The following PCSK2 variants were observed in gnomAD, a reference collection of about 807,000 sequenced individuals.
The protein encoded by PCSK2 is proprotein convertase subtilisin/kexin type 2, also known as neuroendocrine convertase 2.
PCSK2 carries 14 observed loss-of-function variants against 69.7 expected under a neutral mutation model. That is an observed-to-expected ratio of 0.20 (90% CI 0.13 to 0.31). PCSK2 has a LOEUF of 0.31. Among genes scored for constraint, PCSK2 ranks in the 10% least tolerant of loss-of-function variants. PCSK2 has a pLI of 1.00. For synonymous variants in PCSK2, 307 were observed against 320.7 expected (o/e 0.96, Z 0.46); for missense variants, 544 against 842.5 (o/e 0.65, Z 4.39).
At chr20:17,464,720 C>A in intron 10 of PCSK2, 1 of 152,734 alleles carries the variant, frequency 6.5e-6, no homozygotes, top group Non-Finnish European at 1.5e-5. Flanking sequence ...CCATGTTGTT[C>A]AGAGTACCTG....
intron 2 of PCSK2, among the ~76,000 whole-genome samples, chr20:17,309,174 C>T (rs931926812): frequency 3.3e-5 from 5 of 152,000 alleles, no homozygotes; most frequent in African/African-American, 1.2e-4. Flanking sequence ...AAGCCATGGA[C>T]CAGAAGAGAA....
intron 2 of PCSK2, among the ~76,000 whole-genome samples, chr20:17,320,224 A>G (rs973306149): frequency 1.3e-5 from 2 of 152,168 alleles, no homozygotes; most frequent in Non-Finnish European, 2.9e-5. Context: ...TATGCCCAGG[A>G]GACACTTAGC....
intron 6 of PCSK2, among the ~76,000 whole-genome samples, chr20:17,425,777 T>C (rs949389533): frequency 2.0e-5 from 3 of 152,170 alleles, no homozygotes; most frequent in African/African-American, 7.2e-5. Flanking sequence ...GGCATAGGTT[T>C]CCAATGTTCC....
intron 4 of PCSK2, among the ~76,000 whole-genome samples, chr20:17,361,881 T>A (rs1202346082): frequency 6.6e-6 from 1 of 152,216 alleles, no homozygotes; most frequent in Non-Finnish European, 1.5e-5. Context: ...TCTTCTTTTC[T>A]CACACTTGTT....
At chr20:17,307,316 G>A (rs980808495) in intron 2 of PCSK2, among the ~76,000 whole-genome samples, 1 of 152,202 alleles carries the variant, frequency 6.6e-6, no homozygotes, top group Non-Finnish European at 1.5e-5. Flanking sequence ...TTGCTGACCA[G>A]AGGTAAATAG....
chr20:17,309,845 A>G (rs924494692), intron 2 of PCSK2, among the ~76,000 whole-genome samples: 12 of 143,668 alleles, frequency 8.4e-5, no homozygotes, highest in Non-Finnish European at 1.5e-4. Context: ...AAGAAGAGGA[A>G]GAGGAAGAAG....
intron 10 of PCSK2, among the ~76,000 whole-genome samples, chr20:17,462,115 G>C (rs1438012992): frequency 1.3e-5 from 2 of 152,018 alleles, no homozygotes; most frequent in African/African-American, 2.4e-5. Flanking sequence ...GAATCCCCAG[G>C]GGAGCCCCTG....
intron 3 of PCSK2, among the ~76,000 whole-genome samples, chr20:17,359,946 A>G (rs1020785564): frequency 6.6e-6 from 1 of 152,102 alleles, no homozygotes; most frequent in Non-Finnish European, 1.5e-5. Context: ...GGGCCTTAGG[A>G]TTTATTTTTC....
intron 6 of PCSK2, among the ~76,000 whole-genome samples, chr20:17,423,413 G>GA (rs142392899): frequency 0.013 from 1,985 of 152,224 alleles, 47 homozygotes; most frequent in African/African-American, 0.045. Context: ...TTATGTAGAT[G>GA]AATCTCCTAA....
rs201740005 is a variant in PCSK2, at chr20:17,338,173, G to GC, written c.283-20154_283-20153insC. 4.7e-3 allele frequency among the ~76,000 whole-genome samples: 658 copies of GC among 140,986 alleles called. 12 individuals are homozygous for GC. Among genetic ancestry groups the GC allele is most frequent in the African/African-American group, 0.017 (626 of 37,522 alleles). 92.5% of individuals were successfully genotyped at this position (140,986 alleles called of 152,430 possible). A position where few individuals can be genotyped will look rare whatever the true frequency, so the allele number is the denominator to read the frequency against. On this transcript the variant is annotated intron_variant, in intron 2 of 11. Coordinates refer to ENST00000262545, the MANE Select transcript of PCSK2 (RefSeq NM_002594.5). ...GAGAAGAAACCTTACATTTTTTTTGGGGGGGGGGGTTGTGTTTTTGTTTTT... is the reference window on the plus strand; with the variant it reads ...GAGAAGAAACCTTACATTTTTTTTGGCGGGGGGGGGTTGTGTTTTTGTTTTT...
rs1322889623 is a variant in PCSK2 at position 17,453,424 on chromosome 20, G to A, written c.886-318G>A. 1.3e-5 allele frequency among the ~76,000 whole-genome samples: 2 copies of A among 152,210 alleles called. No homozygotes were observed. Among genetic ancestry groups the A allele is most frequent in the East Asian group, 1.9e-4 (1 of 5,174 alleles). On this transcript the variant is annotated intron_variant, in intron 8 of 11. Transcript: ENST00000262545. The surrounding 1 kb of genome is among the most constrained non-coding windows in gnomAD (Gnocchi z 4.0). Reference sequence around the variant, plus strand: ...TCCATACAGTTAGACTTTTCATTGTGAGCATGTACCACCTTTCTAGCTTTT... The same window carrying A: ...TCCATACAGTTAGACTTTTCATTGTAAGCATGTACCACCTTTCTAGCTTTT...
chr20:17,441,255 C>T (rs1600582801), intron 8 of PCSK2, among the ~76,000 whole-genome samples: 1 of 152,190 alleles, frequency 6.6e-6, no homozygotes, highest in East Asian at 1.9e-4. Context: ...CCAAGATGAG[C>T]CTCCAAAACC....
intron 7 of PCSK2, among the ~76,000 whole-genome samples, chr20:17,429,949 G>C (rs1325430846): frequency 1.3e-5 from 2 of 152,130 alleles, no homozygotes; most frequent in Non-Finnish European, 2.9e-5. Flanking sequence ...CTACTCTTCT[G>C]TGTCAGTGTC....
intron 8 of PCSK2, among the ~76,000 whole-genome samples, chr20:17,437,548 G>A (rs945489937): frequency 5.9e-5 from 9 of 152,156 alleles, no homozygotes; most frequent in Admixed American, 6.5e-5. Context: ...GAGGATTTCT[G>A]GGCTCCAGTC....
intron 1 of PCSK2, among the ~76,000 whole-genome samples, chr20:17,257,004 C>T (rs910248175): frequency 6.6e-6 from 1 of 152,096 alleles, no homozygotes; most frequent in Non-Finnish European, 1.5e-5. Context: ...GCCACATTTT[C>T]TTTATGCAGT....
rs1267879920 is a variant in PCSK2 at position 17,260,300 on chromosome 20, A to C, written c.238A>C (p.Arg80=). 2 of 1,613,982 alleles carry C rather than the reference A, an allele frequency of 1.2e-6. No homozygotes were observed. The highest frequency in any genetic ancestry group is 8.5e-7 in the Non-Finnish European group (1 of 1,179,858). The change falls in exon 2 of 12, where the codon AGA becomes CGA. Residue 80 remains arginine (R), a synonymous_variant. Coordinates refer to ENST00000262545, the MANE Select transcript of PCSK2 (RefSeq NM_002594.5). ...YHNGLAKAKR[R]RSLHHKQQLE... is the part of the protein sequence containing the mutation. ...CAATGGCCTTGCAAAGGCCAAGAGA[A>C]GACGCAGCCTACACCACAAGCAGCA...
chr20:17,347,854 A>G (rs1329579321), intron 2 of PCSK2, among the ~76,000 whole-genome samples: 10 of 136,984 alleles, frequency 7.3e-5, no homozygotes, highest in Non-Finnish European at 1.4e-4. Flanking sequence ...GAAAGAAAGA[A>G]AGAAAGAGGA....
intron 8 of PCSK2, among the ~76,000 whole-genome samples, chr20:17,450,643 T>A (rs2032805116): frequency 6.6e-6 from 1 of 152,186 alleles, no homozygotes; most frequent in African/African-American, 2.4e-5. Flanking sequence ...TTCAGTGTCT[T>A]GCAAAGGCTC....
At chr20:17,454,146 C>T (rs565932555) in intron 9 of PCSK2, among the ~76,000 whole-genome samples, 189 bp downstream of exon 9, 1 of 152,328 alleles carries the variant, frequency 6.6e-6, no homozygotes, top group East Asian at 1.9e-4. Context: ...CTCCCATCTG[C>T]GAGCTAGTAG....
Sources: allele counts gnomAD v4.1 joint callset (sites outside exome capture counted in the v4.1 genomes callset), GRCh38; gene constraint gnomAD v4.1.1; non-coding constraint Gnocchi (gnomAD v3.1); transcripts MANE v1.5; gene names NCBI Gene and HGNC (gene_info 2026-07-23, HGNC 2026-07-21).